IQGAP2: variants seen among roughly 807,000 people sequenced by gnomAD.
The protein encoded by IQGAP2 is IQ motif containing GTPase activating protein 2.
IQGAP2 carries 173 observed loss-of-function variants against 201.3 expected under a neutral mutation model. The observed-to-expected ratio is 0.86, with a 90% CI of 0.76 to 0.98. IQGAP2 has a LOEUF of 0.98. Ranked by LOEUF, IQGAP2 falls within the 50% of genes least tolerant of loss-of-function variation. The probability of loss-of-function intolerance (pLI) is 0.00; values close to 1 mark genes in which losing one functional copy is unlikely to be tolerated. For missense variants in IQGAP2, 1,687 were observed against 1,864.8 expected (o/e 0.90, Z 1.76); for synonymous variants, 675 against 673.9 (o/e 1.00, Z -0.03).
chr5:76,451,103 TTA>T (rs1473384467), intron 1 of IQGAP2, among the ~76,000 whole-genome samples: 1 of 152,146 alleles, frequency 6.6e-6, no homozygotes, highest in East Asian at 1.9e-4. Context: ...TGAAATGCCT[TTA>T]TGTTTTGTCC....
At position 76,701,140 on chromosome 5, in the gene IQGAP2, C is replaced by T. The variant is rs747874423; in HGVS notation, c.4432C>T (p.Pro1478Ser). The change falls in exon 34 of 36, where the codon CCA becomes TCA. Residue 1478 changes from proline to serine, a missense_variant. Physicochemically the swap from Pro to Ser is moderately conservative, Grantham distance 74. Coordinates refer to ENST00000274364, the MANE Select transcript of IQGAP2 (RefSeq NM_006633.5). ...ACCCAAAGGGGCGAAGAGAGCGAAGCCAGTGAAGTACACTGCAGCAAAGCT... is the reference window on the plus strand; with the variant it reads ...ACCCAAAGGGGCGAAGAGAGCGAAGTCAGTGAAGTACACTGCAGCAAAGCT... Reference protein sequence around the residue: ...GEPKGAKRAKPVKYTAAKLHE... With the variant: ...GEPKGAKRAKSVKYTAAKLHE... 1 of 1,613,936 alleles carries T rather than the reference C, an allele frequency of 6.2e-7. No individual in the cohort carries two copies. Among genetic ancestry groups the T allele is most frequent in the South Asian group, 1.1e-5 (1 of 91,084 alleles).
At chr5:76,501,932 C>T (rs962694972) in intron 2 of IQGAP2, among the ~76,000 whole-genome samples, 3 of 151,972 alleles carry the variant, frequency 2.0e-5, no homozygotes, top group Admixed American at 6.6e-5. Flanking sequence ...TGTGAGCCAC[C>T]GCTCCTGGCC....
rs70982606 is a variant in IQGAP2, at chr5:76,432,128, C to CTTTTTTTTTTTTTTTTTTT, written c.46+28552_46+28553insTTTTTTTTTTTTTTTTTTT. On this transcript the variant is annotated intron_variant, in intron 1 of 35. Transcript: ENST00000274364. ...TGGAATTGACTGATCTTTCTTTCTTCTTTTTTTTTTTTTTTGAGATGGAGT... is the reference window on the plus strand; with the variant it reads ...TGGAATTGACTGATCTTTCTTTCTTCTTTTTTTTTTTTTTTTTTTTTTTTTTTTTTTTTTGAGATGGAGT... Among the ~76,000 whole-genome samples, 129 of 95,312 alleles carry CTTTTTTTTTTTTTTTTTTT rather than the reference C, an allele frequency of 1.4e-3. 9 individuals are homozygous for CTTTTTTTTTTTTTTTTTTT. The highest frequency in any genetic ancestry group is 1.6e-3 in the Non-Finnish European group (78 of 50,150). The allele number at this position is 95,312 out of a possible 152,430, so 62.5% of individuals were successfully genotyped here. A position where few individuals can be genotyped will look rare whatever the true frequency, so the allele number is the denominator to read the frequency against.
chr5:76,488,251 T>C (rs1347027084), intron 2 of IQGAP2, among the ~76,000 whole-genome samples: 1 of 152,236 alleles, frequency 6.6e-6, no homozygotes, highest in East Asian at 1.9e-4. Flanking sequence ...GAAATTCTTG[T>C]TAGTGAGAAA....
At chr5:76,583,717 A>T (rs1031143664) in intron 5 of IQGAP2, among the ~76,000 whole-genome samples, 1 of 152,236 alleles carries the variant, frequency 6.6e-6, no homozygotes, top group Non-Finnish European at 1.5e-5. Context: ...TGTACAATGG[A>T]GAAATTAAAA....
At chr5:76,430,189 A>G (rs1279759622) in intron 1 of IQGAP2, among the ~76,000 whole-genome samples, 1 of 152,170 alleles carries the variant, frequency 6.6e-6, no homozygotes, top group Non-Finnish European at 1.5e-5. Flanking sequence ...TAGTGGAATA[A>G]AACCACCACC....
intron 34 of IQGAP2, among the ~76,000 whole-genome samples, 163 bp downstream of exon 34, chr5:76,701,376 T>A (rs903658523): frequency 2.0e-5 from 3 of 152,248 alleles, no homozygotes; most frequent in African/African-American, 7.2e-5. Flanking sequence ...GGCCTCAGCA[T>A]CTGGTGCTGT....
At chr5:76,700,176 A>T (rs988436985) in intron 33 of IQGAP2, among the ~76,000 whole-genome samples, 1 of 152,160 alleles carries the variant, frequency 6.6e-6, no homozygotes, top group Non-Finnish European at 1.5e-5. Flanking sequence ...GGCATTTCAC[A>T]CAAGATCCAC....
At chr5:76,651,579 G>GGT (rs3082675) in intron 17 of IQGAP2, among the ~76,000 whole-genome samples, 76,030 of 151,852 alleles carry the variant, frequency 0.5, 19,450 homozygotes, top group Non-Finnish European at 0.56. Context: ...CTGTAGCCTG[G>GGT]GACAAAATGA....
rs544511960 is a variant in IQGAP2 at position 76,690,321 on chromosome 5, G to T, written c.3906-3034G>T. Among the ~76,000 whole-genome samples the T allele has an allele frequency of 4.6e-5, 7 of 152,334 alleles. No individual in the cohort carries two copies. The South Asian group carries it at 1.5e-3, about 32-fold the overall frequency. On this transcript the variant is annotated intron_variant, in intron 30 of 35. Transcript: ENST00000274364. ...TCACTTGGAAAAAGGAAAGATGGTG[G>T]AAGAGGGGATAGAGGAACACAGTCT... is the stretch of plus-strand genomic sequence containing the variant.
At chr5:76,577,237 T>C (rs552163415) in intron 5 of IQGAP2, among the ~76,000 whole-genome samples, 7 of 152,368 alleles carry the variant, frequency 4.6e-5, no homozygotes, top group South Asian at 4.1e-4. Flanking sequence ...TTTCTGGTGA[T>C]ATCATGGTTC....
At chr5:76,548,449 C>T (rs556379276) in intron 2 of IQGAP2, among the ~76,000 whole-genome samples, 2 of 152,334 alleles carry the variant, frequency 1.3e-5, no homozygotes, top group Middle Eastern at 3.4e-3. Context: ...AAAGGTTTCA[C>T]CTAAGGCTTC....
intron 1 of IQGAP2, among the ~76,000 whole-genome samples, chr5:76,408,363 C>T (rs1316419243): frequency 2.0e-5 from 3 of 152,156 alleles, no homozygotes; most frequent in Admixed American, 6.5e-5. Flanking sequence ...CTGTTATCAT[C>T]GGCTCATTAT....
chr5:76,634,798 C>T (rs1363397852), intron 15 of IQGAP2, among the ~76,000 whole-genome samples: 2 of 152,072 alleles, frequency 1.3e-5, no homozygotes, highest in South Asian at 2.1e-4. Context: ...CTCAGTTTAA[C>T]GCTTCTATAT....
intron 2 of IQGAP2, among the ~76,000 whole-genome samples, chr5:76,560,973 CA>C (rs1312365266): frequency 6.6e-6 from 1 of 152,142 alleles, no homozygotes; most frequent in Non-Finnish European, 1.5e-5. Context: ...AATAATAAAA[CA>C]GAACAATTAT....
intron 4 of IQGAP2, among the ~76,000 whole-genome samples, chr5:76,574,460 C>T (rs761851397): frequency 7.9e-5 from 12 of 151,994 alleles, no homozygotes; most frequent in East Asian, 1.9e-4. Flanking sequence ...TGCACCACCA[C>T]GCCTGGCTAA....
intron 31 of IQGAP2, chr5:76,693,978 A>C (rs1746502339): frequency 6.6e-6 from 1 of 152,286 alleles, no homozygotes; most frequent in Non-Finnish European, 1.5e-5. Context: ...GTTCGTTCTA[A>C]AATAAATTCA....
chr5:76,641,942 C>T (rs1193308361), intron 17 of IQGAP2, among the ~76,000 whole-genome samples: 1 of 152,152 alleles, frequency 6.6e-6, no homozygotes, highest in Non-Finnish European at 1.5e-5. Flanking sequence ...ATGAATTTTA[C>T]AAACATTTGT....
intron 1 of IQGAP2, among the ~76,000 whole-genome samples, chr5:76,428,790 T>TA (rs11370155): frequency 0.7 from 101,561 of 144,088 alleles, 39,515 homozygotes; most frequent in Non-Finnish European, 0.88. Flanking sequence ...CCAACTTACT[T>TA]AAAAAAAAAA....
Sources: gnomAD v4.1 joint callset for allele counts (sites outside exome capture counted in the v4.1 genomes callset) on GRCh38, gnomAD v4.1.1 for gene constraint, MANE v1.5 for transcripts, NCBI Gene and HGNC (gene_info 2026-07-23, HGNC 2026-07-21) for gene names.